NRCAM: variants seen among roughly 807,000 people sequenced by gnomAD.
The protein encoded by NRCAM is NgCAM-related cell adhesion molecule.
In NRCAM, 83 loss-of-function variants were observed where a neutral mutation model predicts 156.5. The ratio of observed to expected loss-of-function variants is 0.53; its 90% CI spans 0.44 to 0.64. The LOEUF is 0.64. NRCAM is among the 30% of genes least tolerant of loss of function. NRCAM has a pLI of 0.00. For synonymous variants in NRCAM, 538 were observed against 563.9 expected, an observed-to-expected ratio of 0.95 and a Z score of 0.65; for missense variants, 1,417 against 1,597.3, an observed-to-expected ratio of 0.89 and a Z score of 1.92.
intron 20 of NRCAM, among the ~76,000 whole-genome samples, 178 bp from the exon 21 acceptor site, chr7:108,184,792 T>C (rs1335442288): frequency 6.6e-6 from 1 of 152,122 alleles, no homozygotes; most frequent in Non-Finnish European, 1.5e-5. Flanking sequence ...CCTCAACATA[T>C]AAACACACAT....
chr7:108,384,327 C>A (rs1287309561), intron 2 of NRCAM, among the ~76,000 whole-genome samples: 5 of 151,230 alleles, frequency 3.3e-5, no homozygotes, highest in African/African-American at 4.9e-5. Flanking sequence ...AAAAACAAAA[C>A]CAAAAACAAA....
At chr7:108,199,118 C>A (rs897550852) in intron 13 of NRCAM, among the ~76,000 whole-genome samples, 3 of 152,304 alleles carry the variant, frequency 2.0e-5, no homozygotes, top group African/African-American at 7.2e-5. Flanking sequence ...GCTCCTGCAA[C>A]TTGAAGCATT....
chr7:108,313,975 G>A (rs1486402903), intron 2 of NRCAM, among the ~76,000 whole-genome samples: 1 of 152,152 alleles, frequency 6.6e-6, no homozygotes, highest in African/African-American at 2.4e-5. Context: ...TTCCTACCAT[G>A]AGGGATCTCA....
rs373813828 is a variant in NRCAM, at chr7:108,300,691, G to A, written c.-107+11974C>T. ...TGTATCAGATCTGGCTTTGCAACCT[G>A]GAATTTCTCCATTTTTTTTCTAATT... On this transcript the variant is annotated intron_variant, in intron 3 of 32. Coordinates refer to ENST00000379028, the MANE Select transcript of NRCAM (RefSeq NM_001037132.4). 1.2e-4 allele frequency among the ~76,000 whole-genome samples: 18 copies of A among 152,056 alleles called. No individual in the cohort carries two copies. In the East Asian group the frequency reaches 3.3e-3, roughly 28 times the overall value.
chr7:108,359,617 G>A (rs1398832912), intron 2 of NRCAM, among the ~76,000 whole-genome samples: 1 of 152,186 alleles, frequency 6.6e-6, no homozygotes, highest in East Asian at 1.9e-4. Flanking sequence ...AGGTATCTAG[G>A]TCTCAGATTT....
intron 1 of NRCAM, among the ~76,000 whole-genome samples, chr7:108,427,484 T>C (rs145959598): frequency 9.5e-4 from 144 of 152,348 alleles, no homozygotes; most frequent in East Asian, 8.7e-3. Flanking sequence ...TTTTGAGACA[T>C]TGATTTGTTC....
intron 2 of NRCAM, among the ~76,000 whole-genome samples, chr7:108,349,470 G>C (rs139315774): frequency 0.017 from 2,609 of 151,876 alleles, 75 homozygotes; most frequent in African/African-American, 0.06. Flanking sequence ...GGGTTTCACT[G>C]TGTTAGCCAG....
chr7:108,434,541 T>TAC (rs141756969), intron 1 of NRCAM, among the ~76,000 whole-genome samples: 40,519 of 141,018 alleles, frequency 0.29, 5,637 homozygotes, highest in Middle Eastern at 0.41. Context: ...CAATGGAATG[T>TAC]ACACACACAC....
chr7:108,213,102 A>C (rs1463523005), intron 11 of NRCAM, among the ~76,000 whole-genome samples: 2 of 152,170 alleles, frequency 1.3e-5, no homozygotes, highest in Admixed American at 6.5e-5. Context: ...AGCCTCCACA[A>C]ACAAAACAAT....
intron 1 of NRCAM, among the ~76,000 whole-genome samples, chr7:108,450,432 G>T (rs1253322018): frequency 1.3e-5 from 2 of 152,130 alleles, no homozygotes; most frequent in African/African-American, 4.8e-5. Context: ...TTATAATTGG[G>T]TGGTGAAGGT....
chr7:108,300,006 T>C (rs2098555697), intron 3 of NRCAM, among the ~76,000 whole-genome samples: 1 of 152,178 alleles, frequency 6.6e-6, no homozygotes, highest in South Asian at 2.1e-4. Flanking sequence ...ACTTAGAACA[T>C]GTCTAGCACA....
At chr7:108,391,085 AG>A (rs1184523103) in intron 2 of NRCAM, among the ~76,000 whole-genome samples, 2 of 152,238 alleles carry the variant, frequency 1.3e-5, no homozygotes, top group African/African-American at 4.8e-5. Flanking sequence ...GATGTCTATT[AG>A]GTCTGCTTGG....
intron 20 of NRCAM, among the ~76,000 whole-genome samples, chr7:108,187,364 G>A (rs150848190): frequency 1.3e-5 from 2 of 152,192 alleles, no homozygotes; most frequent in East Asian, 3.9e-4. Context: ...TAGCAGACAT[G>A]CCCTGTCTTA....
chr7:108,213,095 C>T (rs555668065), intron 11 of NRCAM, among the ~76,000 whole-genome samples: 1 of 152,302 alleles, frequency 6.6e-6, no homozygotes, highest in Non-Finnish European at 1.5e-5. Context: ...TATCTTCAGC[C>T]TCCACAAACA....
At chr7:108,318,039 CTTTTTTTTTTTTTT>C (rs779703662) in intron 2 of NRCAM, among the ~76,000 whole-genome samples, 4 of 72,818 alleles carry the variant, frequency 5.5e-5, no homozygotes, top group Non-Finnish European at 9.5e-5. Context: ...TTCACTTTTC[CTTTTTTTTTTTTTT>C]TTTTTTTTTT....
At chr7:108,451,485 A>C (rs1302354656) in intron 1 of NRCAM, among the ~76,000 whole-genome samples, 2 of 152,218 alleles carry the variant, frequency 1.3e-5, no homozygotes, top group African/African-American at 2.4e-5. Context: ...GAAAGCAGTG[A>C]CTCAGATATT....
At chr7:108,191,982 G>T in intron 17 of NRCAM, 129 bp from the exon 18 acceptor site, 1 of 960,044 alleles carries the variant, frequency 1.0e-6, no homozygotes, top group Non-Finnish European at 1.5e-6. Context: ...AAAAGTTAGA[G>T]CAAAATACAT....
At chr7:108,177,060 ATTAC>A (rs942036168) in intron 26 of NRCAM, among the ~76,000 whole-genome samples, 70 of 152,194 alleles carry the variant, frequency 4.6e-4, no homozygotes, top group African/African-American at 1.5e-3. Context: ...TATTCTACAG[ATTAC>A]TTAATTTTTA....
At chr7:108,388,986 G>A (rs1437347112) in intron 2 of NRCAM, among the ~76,000 whole-genome samples, 1 of 152,142 alleles carries the variant, frequency 6.6e-6, no homozygotes, top group Non-Finnish European at 1.5e-5. Flanking sequence ...TTGAAGTCAG[G>A]TAGCATGATG....
Sources: allele counts gnomAD v4.1 joint callset (sites outside exome capture counted in the v4.1 genomes callset), GRCh38; gene constraint gnomAD v4.1.1; transcripts MANE v1.5; gene names NCBI Gene and HGNC (gene_info 2026-07-23, HGNC 2026-07-21).